ADGRL2: variants seen among roughly 807,000 people sequenced by gnomAD.
ADGRL2 encodes the protein adhesion G protein-coupled receptor L2.
In ADGRL2, 44 loss-of-function variants were observed where a neutral mutation model predicts 157.4. The observed-to-expected ratio is 0.28, with a 90% CI of 0.22 to 0.36. The LOEUF (loss-of-function observed/expected upper bound fraction) is 0.36. ADGRL2 is among the 10% of genes least tolerant of loss of function. ADGRL2 has a pLI of 1.00. For missense variants in ADGRL2, 1,510 were observed against 1,768.9 expected (o/e 0.85, Z 2.63); for synonymous variants, 585 against 624.7 (o/e 0.94, Z 0.95).
At chr1:81,700,304 C>T (rs1277223481) in intron 1 of ADGRL2, among the ~76,000 whole-genome samples, 1 of 152,144 alleles carries the variant, frequency 6.6e-6, no homozygotes, top group Admixed American at 6.5e-5. Flanking sequence ...GCCTTCTGTC[C>T]TAGAAGTTAA....
intron 2 of ADGRL2, among the ~76,000 whole-genome samples, chr1:81,877,072 T>C (rs897765964): frequency 2.0e-4 from 31 of 152,284 alleles, no homozygotes; most frequent in African/African-American, 7.5e-4. Context: ...CTGGCCATCC[T>C]TTTTAATAGT....
At chr1:81,810,804 C>T (rs183631143) in intron 1 of ADGRL2, among the ~76,000 whole-genome samples, 2 of 151,916 alleles carry the variant, frequency 1.3e-5, no homozygotes, top group African/African-American at 2.4e-5. Context: ...TTCTAAAACA[C>T]GTCACTTTGC....
intron 11 of ADGRL2, among the ~76,000 whole-genome samples, chr1:81,963,966 A>C: frequency 6.6e-6 from 1 of 151,234 alleles, no homozygotes; most frequent in Admixed American, 6.6e-5. Flanking sequence ...AGTCAGTTTT[A>C]TTTTTCTAGG....
intron 1 of ADGRL2, among the ~76,000 whole-genome samples, chr1:81,356,725 G>A (rs1039578199): frequency 4.0e-5 from 6 of 151,654 alleles, no homozygotes; most frequent in Non-Finnish European, 5.9e-5. Context: ...AGGCCGAGGT[G>A]GGTGGATCCC....
chr1:81,971,015 TAA>T (rs1210212321), intron 16 of ADGRL2, among the ~76,000 whole-genome samples: 1 of 152,142 alleles, frequency 6.6e-6, no homozygotes, highest in Non-Finnish European at 1.5e-5. Context: ...AGGATTAAAA[TAA>T]GTCACTGTCT....
rs185702314 is a variant in ADGRL2, at chr1:81,600,900, C to T, written c.-143+19920C>T. On this transcript the variant is annotated intron_variant, in intron 3 of 24. Coordinates refer to the ADGRL2 transcript ENST00000370721. ...AAGTTAATATTTATTTCTGGAAAGG[C>T]TTGGATCTATCATCTAAAGTCTTAA... 9.2e-5 allele frequency among the ~76,000 whole-genome samples: 14 copies of T among 152,266 alleles called. No individual in the cohort carries two copies. In the East Asian group the frequency reaches 2.7e-3, roughly 29 times the overall value.
intron 1 of ADGRL2, among the ~76,000 whole-genome samples, chr1:81,315,387 C>CTATG (rs1553152566): frequency 6.6e-6 from 1 of 152,044 alleles, no homozygotes; most frequent in Non-Finnish European, 1.5e-5. Flanking sequence ...TTGTTTTACT[C>CTATG]TATGTAGCAG....
At chr1:81,462,053 A>C (rs891102922) in intron 2 of ADGRL2, among the ~76,000 whole-genome samples, 4 of 152,050 alleles carry the variant, frequency 2.6e-5, no homozygotes, top group African/African-American at 9.7e-5. Flanking sequence ...GTCTAGCTAG[A>C]GGATTGTAAA....
chr1:81,943,340 A>G lies in ADGRL2; in HGVS notation c.781A>G (p.Arg261Gly), dbSNP rs775689046. The G allele has an allele frequency of 1.2e-6, 2 of 1,613,502 alleles. No individual in the cohort carries two copies. The highest frequency in any genetic ancestry group is 1.7e-6 in the Non-Finnish European group (2 of 1,179,562). Residue 261 changes from arginine to glycine, a missense_variant, in exon 6 of 24, where the codon AGA becomes GGA. By Grantham distance (125) the Arg-to-Gly change is moderately radical (BLOSUM62 -2). Coordinates refer to ENST00000686636, the MANE Select transcript of ADGRL2 (RefSeq NM_001366006.2). The surrounding 1 kb of genome is among the most constrained non-coding windows in gnomAD (Gnocchi z 5.6). ...CAACTACCATGATACCTCACCATAC[A>G]GATGGGGAGGAAAGACTGATATCGA... ...YANYHDTSPY[R>G]WGGKTDIDLA...
intron 2 of ADGRL2, among the ~76,000 whole-genome samples, chr1:81,556,826 C>A (rs889525689): frequency 3.3e-5 from 5 of 151,746 alleles, no homozygotes; most frequent in African/African-American, 1.2e-4. Context: ...ACCTGTAATC[C>A]CAGCACTTTG....
chr1:81,847,928 A>T (rs1286859633), intron 2 of ADGRL2, among the ~76,000 whole-genome samples: 5 of 151,900 alleles, frequency 3.3e-5, no homozygotes, highest in Admixed American at 1.3e-4. Context: ...TTGCCTAAGT[A>T]TTAATTCCTT....
chr1:81,644,777 A>G (rs978872250), intron 3 of ADGRL2, among the ~76,000 whole-genome samples: 2 of 152,238 alleles, frequency 1.3e-5, no homozygotes, highest in African/African-American at 4.8e-5. Flanking sequence ...GATGCTAACA[A>G]TGGAGAAAGT....
chr1:81,723,011 A>G (rs1557597276), intron 1 of ADGRL2: 2 of 782,684 alleles, frequency 2.6e-6, no homozygotes, highest in East Asian at 2.4e-5. Context: ...AAAATACCAC[A>G]GCAACCCAAA....
intron 10 of ADGRL2, among the ~76,000 whole-genome samples, 183 bp downstream of exon 10, chr1:81,953,208 T>A (rs1652402848): frequency 6.6e-6 from 1 of 152,334 alleles, no homozygotes; most frequent in African/African-American, 2.4e-5. Context: ...ATAATTTACT[T>A]TTAATGATTT....
chr1:81,427,319 C>T (rs1050920655), intron 1 of ADGRL2: 21 of 723,778 alleles, frequency 2.9e-5, no homozygotes, highest in African/African-American at 2.6e-4. Context: ...CTATGACAGT[C>T]GTCCTGGTTA....
intron 2 of ADGRL2, among the ~76,000 whole-genome samples, chr1:81,880,432 A>G (rs1208546927): frequency 6.6e-6 from 1 of 152,180 alleles, no homozygotes; most frequent in Non-Finnish European, 1.5e-5. Flanking sequence ...TTTCCTCCTT[A>G]GCTTAACAAG....
chr1:81,648,454 A>G (rs1253036716), intron 3 of ADGRL2, among the ~76,000 whole-genome samples: 1 of 152,178 alleles, frequency 6.6e-6, no homozygotes, highest in African/African-American at 2.4e-5. Flanking sequence ...GACATGTTGG[A>G]GCCTAAATAT....
chr1:81,420,993 G>A (rs527523010), intron 1 of ADGRL2, among the ~76,000 whole-genome samples: 73 of 152,238 alleles, frequency 4.8e-4, no homozygotes, highest in African/African-American at 1.6e-3. Flanking sequence ...CCTGACAGAA[G>A]GGCCAAGACT....
chr1:81,851,401 TA>T (rs1218140993), intron 2 of ADGRL2, among the ~76,000 whole-genome samples: 1 of 151,876 alleles, frequency 6.6e-6, no homozygotes, highest in Non-Finnish European at 1.5e-5. Flanking sequence ...AGGTATCAGT[TA>T]AAAATGATGA....
Sources: gnomAD v4.1 joint callset for allele counts (sites outside exome capture counted in the v4.1 genomes callset) on GRCh38, gnomAD v4.1.1 for gene constraint, Gnocchi (gnomAD v3.1) non-coding constraint, MANE v1.5 for transcripts, NCBI Gene and HGNC (gene_info 2026-07-23, HGNC 2026-07-21) for gene names.